ELMO1: variants seen among roughly 807,000 people sequenced by gnomAD.
ELMO1 encodes the protein engulfment and cell motility 1.
A neutral mutation model predicts 98.9 loss-of-function variants in ELMO1; 26 were observed. That is an observed-to-expected ratio of 0.26 (90% CI 0.19 to 0.36). The LOEUF (loss-of-function observed/expected upper bound fraction) is 0.36, where lower values mean the gene tolerates loss of function less well. Ranked by LOEUF, ELMO1 falls within the 10% of genes least tolerant of loss-of-function variation. The pLI, the probability that ELMO1 is intolerant of heterozygous loss-of-function variation, is 1.00. For missense variants in ELMO1, 627 were observed against 935.2 expected (o/e 0.67, Z 4.30); for synonymous variants, 346 against 346.0 (o/e 1.00, Z 0.00).
intron 15 of ELMO1, among the ~76,000 whole-genome samples, chr7:37,051,428 T>G (rs1350618533): frequency 3.3e-5 from 5 of 152,238 alleles, no homozygotes. Context: ...AAAGACTGGC[T>G]TAAATTATGA....
chr7:36,917,343 T>C (rs780433628), intron 16 of ELMO1, among the ~76,000 whole-genome samples: 2 of 152,168 alleles, frequency 1.3e-5, no homozygotes, highest in Non-Finnish European at 2.9e-5. Flanking sequence ...CTACATTAAA[T>C]TGTAAGGATT....
At chr7:36,866,972 G>C (rs548363240) in intron 20 of ELMO1, among the ~76,000 whole-genome samples, 20 of 152,088 alleles carry the variant, frequency 1.3e-4, no homozygotes, top group African/African-American at 4.8e-4. Context: ...TTGATGACAT[G>C]GTATATATGA....
chr7:37,299,433 G>T (rs1798239189), intron 4 of ELMO1, among the ~76,000 whole-genome samples: 1 of 118,598 alleles, frequency 8.4e-6, no homozygotes, highest in African/African-American at 3.1e-5. Context: ...AATCCATCTT[G>T]AATTGATTTT....
chr7:36,981,715 C>T (rs936439382), intron 16 of ELMO1, among the ~76,000 whole-genome samples: 13 of 152,130 alleles, frequency 8.5e-5, no homozygotes, highest in Non-Finnish European at 2.9e-5. Context: ...GGATGAGTGC[C>T]GACTTTCTGC....
intron 13 of ELMO1, among the ~76,000 whole-genome samples, chr7:37,188,919 G>T (rs1172290022): frequency 9.4e-6 from 1 of 106,136 alleles, no homozygotes; most frequent in Admixed American, 1.0e-4. Flanking sequence ...CTCAGTTCAT[G>T]TGTTTCTGAG....
rs142887880 is a variant in ELMO1, at chr7:37,133,345, T to C, written c.1087-111A>G. On this transcript the variant is annotated intron_variant, in intron 13 of 21. Transcript: ENST00000310758. ...GAAGTGCTACAAGGTAAGGTCCAAA[T>C]AATCAAACATGATGACATTTTCTAT... 508 of 711,652 alleles carry C rather than the reference T, an allele frequency of 7.1e-4. 3 individuals carry two copies. The African/African-American group carries it at 8.0e-3, about 11-fold the overall frequency. The allele number at this position is 711,652 out of a possible 1,614,324, so 44.1% of individuals were successfully genotyped here. A position where few individuals can be genotyped will look rare whatever the true frequency, so the allele number is the denominator to read the frequency against.
intron 4 of ELMO1, among the ~76,000 whole-genome samples, chr7:37,308,162 T>C (rs1300053132): frequency 6.6e-6 from 1 of 152,146 alleles, no homozygotes; most frequent in African/African-American, 2.4e-5. Flanking sequence ...CATGCATTCT[T>C]TTCCTCTCCA....
At chr7:37,382,031 A>G (rs893108421) in intron 1 of ELMO1, among the ~76,000 whole-genome samples, 3 of 152,194 alleles carry the variant, frequency 2.0e-5, no homozygotes, top group Non-Finnish European at 4.4e-5. Flanking sequence ...CTACTGGTCC[A>G]TTTCATTCTA....
chr7:36,982,162 A>C (rs945434322), intron 16 of ELMO1, among the ~76,000 whole-genome samples: 2 of 152,234 alleles, frequency 1.3e-5, no homozygotes, highest in African/African-American at 4.8e-5. Flanking sequence ...ACTTTGATGT[A>C]TGTTTGGAAC....
chr7:37,347,275 G>A (rs2131281029), intron 1 of ELMO1, among the ~76,000 whole-genome samples: 1 of 152,274 alleles, frequency 6.6e-6, no homozygotes, highest in East Asian at 1.9e-4. Context: ...AAAGGTTCTA[G>A]CCTGGGCTTT....
chr7:37,216,594 G>A (rs758094445), intron 11 of ELMO1, 51 bp downstream of exon 11: 3 of 1,598,484 alleles, frequency 1.9e-6, no homozygotes, highest in Admixed American at 3.3e-5. Flanking sequence ...ATTAACAAAT[G>A]CACCAGGCCA....
chr7:37,292,552 T>C (rs1282637204), intron 4 of ELMO1, among the ~76,000 whole-genome samples: 4 of 95,206 alleles, frequency 4.2e-5, no homozygotes, highest in Admixed American at 1.0e-4. Flanking sequence ...GGAGCGTCTC[T>C]GCCCGGCCGC....
At position 36,870,897 on chromosome 7, in the gene ELMO1, C is replaced by A. The variant is rs1803450135; in HGVS notation, c.1823-422G>T. Among the ~76,000 whole-genome samples the A allele has an allele frequency of 6.6e-6, 1 of 152,210 alleles. No homozygotes were observed. Among genetic ancestry groups the A allele is most frequent in the African/African-American group, 2.4e-5 (1 of 41,444 alleles). ...CCAAGTGCTTTACATATATCAGTGTCTCTTGTTACAGCATTTGCATCTATT... is the reference window on the plus strand; with the variant it reads ...CCAAGTGCTTTACATATATCAGTGTATCTTGTTACAGCATTTGCATCTATT... On this transcript the variant is annotated intron_variant, in intron 19 of 21. Coordinates refer to ENST00000310758, the MANE Select transcript of ELMO1 (RefSeq NM_014800.11). The surrounding 1 kb of genome is among the most constrained non-coding windows in gnomAD (Gnocchi z 4.4).
chr7:37,061,601 A>G (rs1199215985), intron 15 of ELMO1, among the ~76,000 whole-genome samples: 1 of 152,152 alleles, frequency 6.6e-6, no homozygotes, highest in African/African-American at 2.4e-5. Context: ...TAAATCAACC[A>G]GTGGTCTTCA....
chr7:37,194,901 C>T (rs1420667933), intron 13 of ELMO1, among the ~76,000 whole-genome samples: 3 of 152,042 alleles, frequency 2.0e-5, no homozygotes, highest in Admixed American at 1.3e-4. Context: ...CTTTCTTGAA[C>T]GGTAGAATCC....
At chr7:36,999,133 G>A (rs1279591660) in intron 16 of ELMO1, among the ~76,000 whole-genome samples, 2 of 152,096 alleles carry the variant, frequency 1.3e-5, no homozygotes, top group African/African-American at 2.4e-5. Context: ...AGGGTGGTGA[G>A]TGCAGGATAG....
chr7:37,119,938 T>C, intron 14 of ELMO1, among the ~76,000 whole-genome samples: 2 of 152,332 alleles, frequency 1.3e-5, no homozygotes, highest in South Asian at 4.1e-4. Context: ...ATTGTATACA[T>C]TAATTATGTG....
chr7:37,231,889 G>A lies in ELMO1; in HGVS notation c.549+1206C>T, dbSNP rs192103488. On this transcript the variant is annotated intron_variant, in intron 8 of 21. Transcript: ENST00000310758. ...CTTTTTTGAGACAGGGTCTCACTCC[G>A]TCACCCAGACTGGAGTGTAGTGGTG... Among the ~76,000 whole-genome samples, 361 of 152,130 alleles carry A rather than the reference G, an allele frequency of 2.4e-3. 2 individuals are homozygous for A. Among genetic ancestry groups the A allele is most frequent in the Non-Finnish European group, 3.8e-3 (259 of 68,004 alleles).
intron 13 of ELMO1, among the ~76,000 whole-genome samples, chr7:37,205,864 G>A (rs540925467): frequency 4.8e-4 from 73 of 152,204 alleles, no homozygotes; most frequent in African/African-American, 1.4e-3. Flanking sequence ...TGAATAATGA[G>A]GACTGACTGT....
Sources: allele counts gnomAD v4.1 joint callset (sites outside exome capture counted in the v4.1 genomes callset), GRCh38; gene constraint gnomAD v4.1.1; non-coding constraint Gnocchi (gnomAD v3.1); transcripts MANE v1.5; gene names NCBI Gene and HGNC (gene_info 2026-07-23, HGNC 2026-07-21).